CIITA: variants seen among roughly 807,000 people sequenced by gnomAD.
CIITA encodes class II major histocompatibility complex transactivator.
Under a neutral mutation model 115.1 loss-of-function variants are expected in CIITA, and 72 were observed. The ratio of observed to expected loss-of-function variants is 0.63; its 90% CI spans 0.52 to 0.76. CIITA has a LOEUF of 0.76. CIITA is among the 30% of genes least tolerant of loss of function. The pLI is 0.00. For missense variants in CIITA, 1,617 were observed against 1,463.8 expected (o/e 1.10, Z -1.71); for synonymous variants, 763 against 635.6 (o/e 1.20, Z -3.02).
At position 10,920,523 on chromosome 16, in the gene CIITA, G is replaced by A. The variant is rs571496120; in HGVS notation, c.3150-1644G>A. On this transcript the variant is annotated intron_variant, in intron 16 of 19. Coordinates refer to ENST00000324288, the MANE Select transcript of CIITA (RefSeq NM_000246.4). The surrounding 1 kb of genome is among the most constrained non-coding windows in gnomAD (Gnocchi z 4.5). ...CAGCCTTCCAAAGTGCTGGGATTAC[G>A]GGTGTGAGCCACCATGCCCAGCCTG... Among the ~76,000 whole-genome samples, 1 of 152,132 alleles carries A rather than the reference G, an allele frequency of 6.6e-6. No homozygotes were observed. The highest frequency in any genetic ancestry group is 1.5e-5 in the Non-Finnish European group (1 of 68,032).
At chr16:10,916,258 G>A (rs2039941539) in intron 14 of CIITA, 109 bp from the exon 15 acceptor site, 4 of 948,394 alleles carry the variant, frequency 4.2e-6, no homozygotes, top group Non-Finnish European at 6.7e-6. Context: ...TATTAGAGCT[G>A]GGGGGTGGGA....
intron 1 of CIITA, among the ~76,000 whole-genome samples, chr16:10,893,286 C>A (rs780403690): frequency 3.3e-4 from 50 of 152,080 alleles, no homozygotes; most frequent in Non-Finnish European, 5.4e-4. Flanking sequence ...GTTTCAGCAG[C>A]CCTGGGAAAT....
chr16:10,870,248 T>C (rs539950976), intron 1 of CIITA, among the ~76,000 whole-genome samples: 1 of 146,702 alleles, frequency 6.8e-6, no homozygotes, highest in African/African-American at 2.5e-5. Context: ...ACCGTAAATC[T>C]ACCCCAAATA....
chr16:10,893,290 G>A (rs1017329237), intron 1 of CIITA, among the ~76,000 whole-genome samples: 1 of 152,094 alleles, frequency 6.6e-6, no homozygotes, highest in Non-Finnish European at 1.5e-5. Flanking sequence ...CAGCAGCCCT[G>A]GGAAATGAAT....
rs765160218 is a variant in CIITA, at chr16:10,923,250, T to C, written c.3340T>C (p.Phe1114Leu). 1 of 1,613,324 alleles carries C rather than the reference T, an allele frequency of 6.2e-7. No individual in the cohort carries two copies. Among genetic ancestry groups the C allele is most frequent in the Admixed American group, 1.7e-5 (1 of 59,996 alleles). ...TLAMWTPTIP[F>L]SVQEHLQQQD... Reference sequence around the variant, plus strand: ...CAGGATGTGGACGCCCACCATCCCATTCAGTGTCCAGGAACACCTGCAACA... The same window carrying C: ...CAGGATGTGGACGCCCACCATCCCACTCAGTGTCCAGGAACACCTGCAACA... Residue 1114 changes from phenylalanine (F) to leucine (L), a missense_variant, in exon 19 of 20, where the codon TTC becomes CTC. Coordinates refer to ENST00000324288, the MANE Select transcript of CIITA (RefSeq NM_000246.4). The surrounding 1 kb of genome is among the most constrained non-coding windows in gnomAD (Gnocchi z 5.2).
At position 10,907,953 on chromosome 16, in the gene CIITA, A is replaced by G. The variant is rs2039292091; in HGVS notation, c.2461A>G (p.Ile821Val). Residue 821 changes from isoleucine (I) to valine (V), a missense_variant, in exon 11 of 20, where the codon ATT (isoleucine) becomes GTT (valine). Transcript: ENST00000324288. The surrounding 1 kb of genome is among the most constrained non-coding windows in gnomAD (Gnocchi z 5.0). ...CGCCCACGAGGCCGAGGAGGCTGGAATTTGGCAGCACGTGGTACAGGAGCT... is the reference window on the plus strand; with the variant it reads ...CGCCCACGAGGCCGAGGAGGCTGGAGTTTGGCAGCACGTGGTACAGGAGCT... ...HCAHEAEEAGIWQHVVQELPG... is the reference protein window; with the variant it reads ...HCAHEAEEAGVWQHVVQELPG... 6.4e-7 allele frequency: 1 copy of G among 1,565,162 alleles called. No homozygotes were observed. The highest frequency in any genetic ancestry group is 1.9e-5 in the Admixed American group (1 of 53,166).
intron 13 of CIITA, chr16:10,915,123 T>C: frequency 2.3e-6 from 1 of 441,334 alleles, no homozygotes; most frequent in Non-Finnish European, 4.5e-6. Context: ...TGATCATGGC[T>C]CACTGCATCC....
intron 12 of CIITA, 98 bp from the exon 13 acceptor site, chr16:10,910,090 G>A: frequency 1.0e-6 from 1 of 970,192 alleles, no homozygotes; most frequent in Non-Finnish European, 1.6e-6. Flanking sequence ...CAATCCCCCT[G>A]GGGAATTTGG....
intron 13 of CIITA, among the ~76,000 whole-genome samples, chr16:10,913,702 G>A (rs929944521): frequency 6.6e-6 from 1 of 151,384 alleles, no homozygotes; most frequent in Non-Finnish European, 1.5e-5. Flanking sequence ...CACTTTGGGA[G>A]GCCGAGGCAG....
intron 13 of CIITA, among the ~76,000 whole-genome samples, chr16:10,911,100 G>T (rs1447188441): frequency 1.3e-5 from 2 of 152,198 alleles, no homozygotes; most frequent in Non-Finnish European, 2.9e-5. Flanking sequence ...GAGTCCAGTT[G>T]TGTCTGGGTC....
chr16:10,923,462 C>T lies in CIITA; in HGVS notation c.*22+137C>T. 1 of 686,566 alleles carries T rather than the reference C, an allele frequency of 1.5e-6. No homozygotes were observed. The highest frequency in any genetic ancestry group is 2.6e-6 in the Non-Finnish European group (1 of 383,422). The allele number at this position is 686,566 out of a possible 1,614,324, so 42.5% of individuals were successfully genotyped here. A position where few individuals can be genotyped will look rare whatever the true frequency, so the allele number is the denominator to read the frequency against. On this transcript the variant is annotated intron_variant, in intron 19 of 19. Transcript: ENST00000324288. This position sits in a 1 kb window ranked among gnomAD's most constrained non-coding sequence, Gnocchi z 5.2. ...CCTTGGACGCATGCGTCATCAGAGA[C>T]ATCCCCTCATCTCCACCCTGGGCTC...
At chr16:10,900,511 T>A (rs950029769) in intron 5 of CIITA, among the ~76,000 whole-genome samples, 6 of 151,912 alleles carry the variant, frequency 3.9e-5, no homozygotes, top group Non-Finnish European at 5.9e-5. Flanking sequence ...AGGCCAAGGC[T>A]GGCAGATCAC....
intron 1 of CIITA, chr16:10,866,335 T>G: frequency 1.8e-6 from 1 of 569,344 alleles, no homozygotes. Context: ...AATGCTGCTC[T>G]CCAGCCATCA....
At chr16:10,873,238 T>G (rs1264509476), upstream of CIITA, among the ~76,000 whole-genome samples, 1 of 152,242 alleles carries the variant, frequency 6.6e-6, no homozygotes, top group Non-Finnish European at 1.5e-5. Context: ...CCTCCCAAAG[T>G]GCAGTGTGCC....
chr16:10,898,926 G>C lies in CIITA; in HGVS notation c.360G>C (p.Lys120Asn). The change falls in exon 5 of 20, where the codon AAG becomes AAC. Residue 120 changes from lysine to asparagine, a missense_variant and splice_region_variant. Physicochemically the swap from Lys to Asn is moderately conservative, Grantham distance 94 (BLOSUM62 0). Coordinates refer to ENST00000324288, the MANE Select transcript of CIITA (RefSeq NM_000246.4). ...QLEGLSKDIF[K>N]HIGPDEVIGE... Reference sequence around the variant, plus strand: ...GGTCTCTGGTTTTTCTCAAAGTAGAGCACATAGGACCAGATGAAGTGATCG... The same window carrying C: ...GGTCTCTGGTTTTTCTCAAAGTAGACCACATAGGACCAGATGAAGTGATCG... 1 of 1,613,912 alleles carries C rather than the reference G, an allele frequency of 6.2e-7. No homozygotes were observed. The highest frequency in any genetic ancestry group is 8.5e-7 in the Non-Finnish European group (1 of 1,179,982).
chr16:10,913,875 A>G (rs142216545), intron 13 of CIITA, among the ~76,000 whole-genome samples: 8,075 of 151,780 alleles, frequency 0.053, 293 homozygotes, highest in Non-Finnish European at 0.079. Context: ...CGGGAGGCGG[A>G]GGTTGCGGTG....
At chr16:10,892,545 G>A (rs1284241576) in intron 1 of CIITA, among the ~76,000 whole-genome samples, 10 of 152,296 alleles carry the variant, frequency 6.6e-5, no homozygotes, top group African/African-American at 2.4e-5. Context: ...ATGTGTGGTG[G>A]GTTGAAAGGT....
intron 1 of CIITA, among the ~76,000 whole-genome samples, chr16:10,867,342 G>A (rs1262802699): frequency 4.6e-5 from 7 of 151,530 alleles, no homozygotes; most frequent in African/African-American, 7.3e-5. Flanking sequence ...GCATGTGTGC[G>A]TTTGCATGCA....
At chr16:10,896,716 G>T (rs953384641) in intron 3 of CIITA, among the ~76,000 whole-genome samples, 1 of 152,220 alleles carries the variant, frequency 6.6e-6, no homozygotes, top group African/African-American at 2.4e-5. Context: ...CCTGTGTGCA[G>T]TGAACAACCT....
Sources: allele counts gnomAD v4.1 joint callset (sites outside exome capture counted in the v4.1 genomes callset), GRCh38; gene constraint gnomAD v4.1.1; non-coding constraint Gnocchi (gnomAD v3.1); transcripts MANE v1.5; gene names NCBI Gene and HGNC (gene_info 2026-07-23, HGNC 2026-07-21).